The following RPRD2 variants were observed in gnomAD, a reference collection of about 807,000 sequenced individuals.
RPRD2 encodes the protein regulation of nuclear pre-mRNA domain containing 2, also known as regulation of nuclear pre-mRNA domain-containing protein 2.
RPRD2 carries 12 observed loss-of-function variants against 104.4 expected under a neutral mutation model. That is an observed-to-expected ratio of 0.11 (90% CI 0.07 to 0.19). The LOEUF (loss-of-function observed/expected upper bound fraction) is 0.19. Ranked by LOEUF, RPRD2 falls within the 10% of genes least tolerant of loss-of-function variation. The pLI is 1.00. For missense variants in RPRD2, 1,543 were observed against 1,790.1 expected (o/e 0.86, Z 2.49); for synonymous variants, 714 against 684.9 (o/e 1.04, Z -0.66).
At chr1:150,435,150 T>C (rs782121407) in intron 2 of RPRD2, among the ~76,000 whole-genome samples, 7 of 152,236 alleles carry the variant, frequency 4.6e-5, no homozygotes, top group Non-Finnish European at 1.0e-4. Context: ...TTTTACATAT[T>C]CCTAACTTCG....
At chr1:150,420,139 C>A (rs1295621874) in intron 2 of RPRD2, among the ~76,000 whole-genome samples, 1 of 152,138 alleles carries the variant, frequency 6.6e-6, no homozygotes, top group Non-Finnish European at 1.5e-5. Context: ...CAACAATACA[C>A]CAGAGTTTCT....
At chr1:150,430,082 C>T (rs1665447698) in intron 2 of RPRD2, among the ~76,000 whole-genome samples, 2 of 152,138 alleles carry the variant, frequency 1.3e-5, no homozygotes, top group Admixed American at 6.6e-5. Flanking sequence ...TAAAAACAAA[C>T]GTGCTCACAG....
chr1:150,413,968 CTGTAGTCCCAGCTATT>C (rs1664137756), intron 1 of RPRD2, among the ~76,000 whole-genome samples: 1 of 151,818 alleles, frequency 6.6e-6, no homozygotes, highest in Non-Finnish European at 1.5e-5. Context: ...TGGCATGTGA[CTGTAGTCCCAGCTATT>C]TGGGAGGCTG....
intron 1 of RPRD2, among the ~76,000 whole-genome samples, chr1:150,397,586 T>C (rs1169616863): frequency 6.6e-6 from 1 of 152,212 alleles, no homozygotes; most frequent in East Asian, 1.9e-4. Flanking sequence ...GTCTGACTTC[T>C]TTCATTTAGC....
At chr1:150,419,848 G>A (rs1193903935) in intron 2 of RPRD2, among the ~76,000 whole-genome samples, 3 of 152,226 alleles carry the variant, frequency 2.0e-5, no homozygotes, top group South Asian at 2.1e-4. Flanking sequence ...GGCTGGTCTC[G>A]AACTCCTGAC....
At chr1:150,391,106 A>G (rs1662031434) in intron 1 of RPRD2, among the ~76,000 whole-genome samples, 1 of 152,178 alleles carries the variant, frequency 6.6e-6, no homozygotes, top group Non-Finnish European at 1.5e-5. Flanking sequence ...TAGATTATTA[A>G]TTACTTACAA....
intron 1 of RPRD2, among the ~76,000 whole-genome samples, chr1:150,408,405 C>G (rs587748503): frequency 4.7e-4 from 71 of 152,122 alleles, no homozygotes; most frequent in Admixed American, 4.2e-3. Flanking sequence ...CTATCCGCCT[C>G]GGCCTCCCAA....
At position 150,472,802 on chromosome 1, in the gene RPRD2, G is replaced by A. The variant is rs767116784; in HGVS notation, c.3854G>A (p.Ser1285Asn). The A allele has an allele frequency of 3.1e-6, 5 of 1,611,120 alleles. No individual in the cohort carries two copies. The highest frequency in any genetic ancestry group is 1.3e-5 in the African/African-American group (1 of 74,802). ...GGGGAACATAGCAGCAGTGGTGGGA[G>A]TGGTGTCCCCTTTTCTACTCCACCC... ...PPGEHSSSGG[S>N]GVPFSTPPPP... The change falls in exon 11 of 11, where the codon AGT becomes AAT. Residue 1285 changes from serine (S) to asparagine (N), a missense_variant. By Grantham distance (46) the Ser-to-Asn change is conservative. Around this residue, in one of 4 missense-constraint regions of RPRD2, gnomAD observed 880 missense variants for 885.6 expected, o/e 0.99. Transcript: ENST00000369068.
intron 1 of RPRD2, among the ~76,000 whole-genome samples, chr1:150,371,796 T>C (rs1660323785): frequency 6.6e-6 from 1 of 152,202 alleles, no homozygotes; most frequent in African/African-American, 2.4e-5. Context: ...ACACAGCCTT[T>C]CTTATTCATA....
intron 1 of RPRD2, among the ~76,000 whole-genome samples, chr1:150,366,320 C>A (rs1197761360): frequency 6.6e-6 from 1 of 152,170 alleles, no homozygotes; most frequent in Non-Finnish European, 1.5e-5. Flanking sequence ...ATAAAACTTG[C>A]AAAATTATAG....
intron 1 of RPRD2, among the ~76,000 whole-genome samples, chr1:150,374,056 C>T (rs1219089316): frequency 6.6e-6 from 1 of 152,092 alleles, no homozygotes; most frequent in African/African-American, 2.4e-5. Flanking sequence ...CCTGGGTAGC[C>T]TAAGGATGGG....
intron 1 of RPRD2, among the ~76,000 whole-genome samples, chr1:150,397,237 G>A (rs1662598259): frequency 6.6e-6 from 1 of 152,196 alleles, no homozygotes; most frequent in Non-Finnish European, 1.5e-5. Context: ...GCCTCTGGAA[G>A]TGCTGGGATT....
At chr1:150,407,783 A>G (rs1409448310) in intron 1 of RPRD2, among the ~76,000 whole-genome samples, 2 of 152,206 alleles carry the variant, frequency 1.3e-5, no homozygotes, top group Admixed American at 1.3e-4. Flanking sequence ...TTCTATTTAA[A>G]TATTCAAGTG....
In RPRD2 at chr1:150,459,959, C is replaced by G. The variant is rs79736009; in HGVS notation, c.1154-101C>G. On this transcript the variant is annotated intron_variant, in intron 8 of 10. Coordinates refer to ENST00000369068, the MANE Select transcript of RPRD2 (RefSeq NM_015203.5). ...GTCGTTGTTTTCTCTAAAGTAGTGC[C>G]TTTTCCCCCAAGTCCGGAAATATTA... The G allele has an allele frequency of 8.6e-4, 936 of 1,089,566 alleles. 8 individuals carry two copies. The African/African-American group carries it at 0.014, about 16-fold the overall frequency. 67.5% of individuals were successfully genotyped at this position (1,089,566 alleles called of 1,614,324 possible). A position where few individuals can be genotyped will look rare whatever the true frequency, so the allele number is the denominator to read the frequency against.
chr1:150,473,156 A>T lies in RPRD2; in HGVS notation c.4208A>T (p.His1403Leu). The T allele has an allele frequency of 6.2e-7, 1 of 1,613,954 alleles. No individual in the cohort carries two copies. The change falls in exon 11 of 11, where the codon CAC (histidine) becomes CTC (leucine). Residue 1403 changes from histidine (H) to leucine (L), a missense_variant. Physicochemically the swap from His to Leu is moderately conservative, Grantham distance 99 (BLOSUM62 -3). Transcript: ENST00000369068. ...SSSGPPLGPSHRDTISRSGII... is the reference protein window; with the variant it reads ...SSSGPPLGPSLRDTISRSGII... ...AGTGGCCCCCCCTTGGGTCCCTCAC[A>T]CAGAGACACCATCAGCCGGAGTGGT...
chr1:150,437,313 T>C (rs1553893391), intron 2 of RPRD2, among the ~76,000 whole-genome samples: 1 of 152,058 alleles, frequency 6.6e-6, no homozygotes, highest in African/African-American at 2.4e-5. Flanking sequence ...CTGGCCAACA[T>C]GGTGAAACCT....
At chr1:150,466,328 A>G (rs1668268729) in intron 10 of RPRD2, among the ~76,000 whole-genome samples, 1 of 150,398 alleles carries the variant, frequency 6.6e-6, no homozygotes, top group Admixed American at 6.7e-5. Flanking sequence ...CAGTGAGCCA[A>G]GATTGCCCCA....
In RPRD2 at chr1:150,393,480, A is replaced by G. The variant is rs1016706995; in HGVS notation, c.206-24116A>G. Among the ~76,000 whole-genome samples the G allele has an allele frequency of 1.0e-3, 156 of 149,406 alleles. 1 individual carries two copies. The highest frequency in any genetic ancestry group is 7.4e-4 in the Non-Finnish European group (50 of 67,336). On this transcript the variant is annotated intron_variant, in intron 1 of 10. Coordinates refer to ENST00000369068, the MANE Select transcript of RPRD2 (RefSeq NM_015203.5). ...AAAAAAAAAAAAAAAAAAAAAAACC[A>G]ATAAAAAAAACATTGGGTGAAAGAC...
chr1:150,435,195 C>T (rs111389783), intron 2 of RPRD2, among the ~76,000 whole-genome samples: 67 of 152,236 alleles, frequency 4.4e-4, no homozygotes, highest in Middle Eastern at 3.4e-3. Flanking sequence ...TGATAAATGT[C>T]GTGTGTTTTC....
Sources: allele counts gnomAD v4.1 joint callset (sites outside exome capture counted in the v4.1 genomes callset), GRCh38; gene constraint gnomAD v4.1.1; regional missense constraint gnomAD v4.1.1; transcripts MANE v1.5; gene names NCBI Gene and HGNC (gene_info 2026-07-23, HGNC 2026-07-21).